FGD6: variants seen among roughly 807,000 people sequenced by gnomAD.
FGD6 encodes FYVE, RhoGEF and PH domain-containing protein 6.
In FGD6, 90 loss-of-function variants were observed where a neutral mutation model predicts 149.4. The observed-to-expected ratio is 0.60, with a 90% CI of 0.51 to 0.72. The LOEUF (loss-of-function observed/expected upper bound fraction) is 0.72, where lower values mean the gene tolerates loss of function less well. Among genes scored for constraint, FGD6 ranks in the 30% least tolerant of loss-of-function variants. FGD6 has a pLI of 0.00. For missense variants in FGD6, 1,437 were observed against 1,684.8 expected, an observed-to-expected ratio of 0.85 and a Z score of 2.57; for synonymous variants, 527 against 584.0, an observed-to-expected ratio of 0.90 and a Z score of 1.41.
intron 9 of FGD6, among the ~76,000 whole-genome samples, chr12:95,113,197 T>C (rs1264981644): frequency 2.0e-5 from 3 of 150,868 alleles, no homozygotes; most frequent in African/African-American, 4.9e-5. Flanking sequence ...TATGTTAATC[T>C]GCTCAAAATG....
chr12:95,213,734 T>C (rs2056739270), intron 1 of FGD6, among the ~76,000 whole-genome samples: 1 of 152,258 alleles, frequency 6.6e-6, no homozygotes, highest in Non-Finnish European at 1.5e-5. Flanking sequence ...ATTCCTGTTC[T>C]AGTGTCACAG....
At chr12:95,203,509 T>G (rs1291231737) in intron 2 of FGD6, among the ~76,000 whole-genome samples, 1 of 152,222 alleles carries the variant, frequency 6.6e-6, no homozygotes, top group Non-Finnish European at 1.5e-5. Context: ...AGTGTTGCCA[T>G]GTAGGTGATG....
chr12:95,099,157 G>A (rs935249623), intron 14 of FGD6, among the ~76,000 whole-genome samples: 2 of 152,206 alleles, frequency 1.3e-5, no homozygotes, highest in African/African-American at 4.8e-5. Context: ...GATTATAGGC[G>A]TGAGCCACTG....
intron 13 of FGD6, among the ~76,000 whole-genome samples, chr12:95,106,699 C>T (rs1878636550): frequency 6.6e-6 from 1 of 151,902 alleles, no homozygotes; most frequent in Non-Finnish European, 1.5e-5. Context: ...AGTTCGAGAC[C>T]AGCCTGCCAA....
intron 6 of FGD6, among the ~76,000 whole-genome samples, chr12:95,138,104 CAA>C (rs1879727957): frequency 6.6e-6 from 1 of 151,702 alleles, no homozygotes; most frequent in South Asian, 2.1e-4. Flanking sequence ...CCTGTAATCC[CAA>C]GACAGGAGAA....
chr12:95,116,950 A>G (rs1336456267), intron 8 of FGD6: 1 of 455,692 alleles, frequency 2.2e-6, no homozygotes, highest in South Asian at 1.6e-5. Flanking sequence ...GAGGAACAGG[A>G]AACCAGTAGC....
chr12:95,113,200 T>C (rs1334479513), intron 9 of FGD6, among the ~76,000 whole-genome samples: 2 of 149,450 alleles, frequency 1.3e-5, no homozygotes, highest in African/African-American at 4.9e-5. Flanking sequence ...GTTAATCTGC[T>C]CAAAATGGAG....
chr12:95,104,923 A>G, intron 14 of FGD6, 84 bp downstream of exon 14: 1 of 1,352,146 alleles, frequency 7.4e-7, no homozygotes. Context: ...AAAAAAAACC[A>G]AAAACCAAAA....
chr12:95,162,644 T>G (rs1051959418), intron 3 of FGD6, among the ~76,000 whole-genome samples: 42 of 152,224 alleles, frequency 2.8e-4, no homozygotes, highest in Admixed American at 2.4e-3. Flanking sequence ...GCTGCCACCT[T>G]GAAGAAGAGA....
At chr12:95,162,733 G>A (rs1465632397) in intron 3 of FGD6, among the ~76,000 whole-genome samples, 3 of 152,154 alleles carry the variant, frequency 2.0e-5, no homozygotes, top group Admixed American at 6.6e-5. Context: ...CCAAATCACC[G>A]TTTAAACACA....
intron 14 of FGD6, among the ~76,000 whole-genome samples, chr12:95,095,351 G>T (rs1878199399): frequency 6.6e-6 from 1 of 151,384 alleles, no homozygotes; most frequent in South Asian, 2.1e-4. Context: ...CCAAATAGGG[G>T]CAAACTTGGT....
intron 2 of FGD6, among the ~76,000 whole-genome samples, chr12:95,199,892 T>C (rs1478478824): frequency 1.3e-5 from 2 of 152,144 alleles, no homozygotes; most frequent in African/African-American, 4.8e-5. Context: ...AAAAGCTACA[T>C]TTCTACACTG....
chr12:95,084,807 T>G (rs1282304181), intron 19 of FGD6, among the ~76,000 whole-genome samples, 161 bp from the exon 20 acceptor site: 2 of 152,232 alleles, frequency 1.3e-5, no homozygotes, highest in Non-Finnish European at 2.9e-5. Context: ...TCAATAATAT[T>G]CATTGAGCCA....
intron 13 of FGD6, among the ~76,000 whole-genome samples, chr12:95,105,824 G>C (rs1260404984): frequency 6.6e-6 from 1 of 152,130 alleles, no homozygotes; most frequent in Non-Finnish European, 1.5e-5. Flanking sequence ...AGGACTTTGA[G>C]ACCAGCCTGG....
At chr12:95,141,330 T>G in intron 6 of FGD6, 58 bp downstream of exon 6, 1 of 1,578,226 alleles carries the variant, frequency 6.3e-7, no homozygotes, top group African/African-American at 1.4e-5. Flanking sequence ...TGTGGGGCCC[T>G]TATGGCTTCA....
intron 2 of FGD6, among the ~76,000 whole-genome samples, chr12:95,202,639 C>T (rs1156603612): frequency 6.6e-6 from 1 of 152,036 alleles, no homozygotes. Flanking sequence ...AGCAATCCTC[C>T]TGCCTCGGCC....
rs1344831134 is a variant in FGD6 at position 95,209,692 on chromosome 12, CT to C, written c.1591del (p.Ser531ValfsTer6). The C allele has an allele frequency of 6.2e-7, 1 of 1,613,898 alleles. No individual in the cohort carries two copies. The highest frequency in any genetic ancestry group is 8.5e-7 in the Non-Finnish European group (1 of 1,179,966). ...KSSYPSSEEKSSEKSLERNHL... is the reference protein window; with the variant it reads ...KSSYPSSEEKXSEKSLERNHL... Reference sequence around the variant, plus strand: ...ATTTCTTTCTAGACTCTTCTCTGAACTTTTTTCTTCACTTGAAGGATAAGAA... The same window carrying C: ...ATTTCTTTCTAGACTCTTCTCTGAACTTTTTCTTCACTTGAAGGATAAGAA... On this transcript the variant is annotated frameshift_variant, in exon 2 of 21. Transcript: ENST00000343958. LOFTEE classifies it high-confidence loss of function.
intron 3 of FGD6, among the ~76,000 whole-genome samples, chr12:95,166,754 T>C (rs1224949664): frequency 6.6e-6 from 1 of 152,034 alleles, no homozygotes; most frequent in Non-Finnish European, 1.5e-5. Flanking sequence ...TTATCAGTCA[T>C]TCCTCATTCC....
At chr12:95,104,274 C>T (rs1878536447) in intron 14 of FGD6, among the ~76,000 whole-genome samples, 1 of 152,028 alleles carries the variant, frequency 6.6e-6, no homozygotes, top group Admixed American at 6.6e-5. Context: ...ATATCTTTCC[C>T]TGTTATACTC....
Sources: allele counts gnomAD v4.1 joint callset (sites outside exome capture counted in the v4.1 genomes callset), GRCh38; gene constraint gnomAD v4.1.1; transcripts MANE v1.5; gene names NCBI Gene and HGNC (gene_info 2026-07-23, HGNC 2026-07-21).